Variants in HS3ST2 observed in about 807,000 individuals in gnomAD.
HS3ST2 encodes the protein heparan sulfate glucosamine 3-O-sulfotransferase 2.
In HS3ST2, 17 loss-of-function variants were observed where a neutral mutation model predicts 26.3. That is an observed-to-expected ratio of 0.65 (90% CI 0.44 to 0.97). The LOEUF is 0.97. Ranked by LOEUF, HS3ST2 falls within the 50% of genes least tolerant of loss-of-function variation. The probability of loss-of-function intolerance (pLI) is 0.00; values close to 1 mark genes in which losing one functional copy is unlikely to be tolerated. For missense variants in HS3ST2, 402 were observed against 501.2 expected (o/e 0.80, Z 1.89); for synonymous variants, 237 against 219.2 (o/e 1.08, Z -0.72).
chr16:22,825,972 G>A (rs578214873), intron 1 of HS3ST2, among the ~76,000 whole-genome samples: 3 of 152,064 alleles, frequency 2.0e-5, no homozygotes, highest in Non-Finnish European at 4.4e-5. Flanking sequence ...GCAGTGAGCC[G>A]AAATCATGCT....
At chr16:22,898,666 C>T (rs1292915807) in intron 1 of HS3ST2, among the ~76,000 whole-genome samples, 1 of 152,166 alleles carries the variant, frequency 6.6e-6, no homozygotes, top group Non-Finnish European at 1.5e-5. Context: ...CATTCTATAC[C>T]AAAGCCTAGA....
chr16:22,834,535 A>G (rs773530627), intron 1 of HS3ST2, among the ~76,000 whole-genome samples: 1 of 152,042 alleles, frequency 6.6e-6, no homozygotes, highest in African/African-American at 2.4e-5. Flanking sequence ...CATTAACCAA[A>G]TCGCCTACTG....
At chr16:22,845,788 G>A (rs1901423169) in intron 1 of HS3ST2, among the ~76,000 whole-genome samples, 1 of 152,236 alleles carries the variant, frequency 6.6e-6, no homozygotes, top group African/African-American at 2.4e-5. Flanking sequence ...TTAGTAGGAT[G>A]CTGAAGATAA....
At chr16:22,823,894 G>A (rs1901041196) in intron 1 of HS3ST2, among the ~76,000 whole-genome samples, 1 of 152,234 alleles carries the variant, frequency 6.6e-6, no homozygotes, top group Non-Finnish European at 1.5e-5. Context: ...ATATTTACAA[G>A]GGAGTGTAGC....
At position 22,915,147 on chromosome 16, in the gene HS3ST2, G is replaced by A. The variant is rs1462025959; in HGVS notation, c.689G>A (p.Gly230Asp). 6.2e-6 allele frequency: 10 copies of A among 1,614,076 alleles called. No homozygotes were observed. The highest frequency in any genetic ancestry group is 7.6e-6 in the Non-Finnish European group (9 of 1,179,982). Reference sequence around the variant, plus strand: ...AAGCCCGACATCCCGACCTTTGAGGGCCTCTCCTTCCGCAACCGCACCCTG... The same window carrying A: ...AAGCCCGACATCCCGACCTTTGAGGACCTCTCCTTCCGCAACCGCACCCTG... ...SKKPDIPTFE[G>D]LSFRNRTLGL... The change falls in exon 2 of 2, where the codon GGC becomes GAC. Residue 230 changes from glycine (G) to aspartate (D), a missense_variant. This residue lies in a region of HS3ST2 where 237 missense variants were observed against 346.6 expected (regional missense o/e 0.68). Transcript: ENST00000261374.
rs201482879 is a variant in HS3ST2, at chr16:22,914,956, C to T, written c.498C>T (p.Pro166=). Residue 166 remains proline, a synonymous_variant, in exon 2 of 2, where the codon CCC becomes CCT. Transcript: ENST00000261374. ...TCTGCCCACACAGGAGCCTGATGCCCAGGACCCTCGAGAGCCAGATCACGC... is the reference window on the plus strand; with the variant it reads ...TCTGCCCACACAGGAGCCTGATGCCTAGGACCCTCGAGAGCCAGATCACGC... ...RGLDWYRSLM[P]RTLESQITLE... The T allele has an allele frequency of 2.5e-6, 4 of 1,611,748 alleles. No homozygotes were observed. The highest frequency in any genetic ancestry group is 3.3e-5 in the Admixed American group (2 of 59,970).
At chr16:22,913,332 C>T (rs1464997336) in intron 1 of HS3ST2, among the ~76,000 whole-genome samples, 1 of 152,046 alleles carries the variant, frequency 6.6e-6, no homozygotes, top group Non-Finnish European at 1.5e-5. Context: ...ATGAGATGCT[C>T]CTGGGAAAGA....
chr16:22,850,751 C>A (rs1014577239), intron 1 of HS3ST2, among the ~76,000 whole-genome samples: 4 of 152,206 alleles, frequency 2.6e-5, no homozygotes, highest in African/African-American at 9.6e-5. Flanking sequence ...TGTGCCACTG[C>A]ACTCCAGCCT....
chr16:22,863,817 C>T (rs910120598), intron 1 of HS3ST2, among the ~76,000 whole-genome samples: 25 of 152,190 alleles, frequency 1.6e-4, no homozygotes, highest in African/African-American at 5.6e-4. Flanking sequence ...GTGCAAGAAG[C>T]TCAATGGCAA....
chr16:22,819,166 TCCTTC>T (rs1900951665), intron 1 of HS3ST2, among the ~76,000 whole-genome samples: 1 of 135,906 alleles, frequency 7.4e-6, no homozygotes, highest in Non-Finnish European at 1.6e-5. Context: ...CCTCCTTCCT[TCCTTC>T]CCTCCTTCCT....
At chr16:22,913,270 A>T (rs1902449793) in intron 1 of HS3ST2, among the ~76,000 whole-genome samples, 1 of 152,088 alleles carries the variant, frequency 6.6e-6, no homozygotes, top group Non-Finnish European at 1.5e-5. Flanking sequence ...TATGACCTTC[A>T]TCAAGAAGTA....
intron 1 of HS3ST2, among the ~76,000 whole-genome samples, chr16:22,839,205 G>A (rs957243023): frequency 6.6e-5 from 10 of 152,158 alleles, no homozygotes; most frequent in South Asian, 2.1e-4. Context: ...AATATTTGTC[G>A]AATGAATGAA....
chr16:22,893,396 G>A (rs1218163066), intron 1 of HS3ST2, among the ~76,000 whole-genome samples: 2 of 152,138 alleles, frequency 1.3e-5, no homozygotes, highest in African/African-American at 4.8e-5. Context: ...AGTGCCTATG[G>A]GGTTGAGATG....
intron 1 of HS3ST2, among the ~76,000 whole-genome samples, chr16:22,875,337 T>C (rs544556575): frequency 6.6e-6 from 1 of 152,022 alleles, no homozygotes; most frequent in Non-Finnish European, 1.5e-5. Context: ...ACTCACACAC[T>C]TGTTATTGAA....
chr16:22,825,708 C>T (rs535342403), intron 1 of HS3ST2, among the ~76,000 whole-genome samples: 2 of 152,256 alleles, frequency 1.3e-5, no homozygotes, highest in African/African-American at 4.8e-5. Context: ...ATGATTTTAC[C>T]TCTGTTTACA....
At chr16:22,901,151 G>C (rs968995618) in intron 1 of HS3ST2, among the ~76,000 whole-genome samples, 1 of 152,178 alleles carries the variant, frequency 6.6e-6, no homozygotes, top group African/African-American at 2.4e-5. Context: ...ACACATTGCA[G>C]GTGAAGAAAC....
chr16:22,852,960 T>C (rs1292114396), intron 1 of HS3ST2, among the ~76,000 whole-genome samples: 1 of 152,154 alleles, frequency 6.6e-6, no homozygotes, highest in Non-Finnish European at 1.5e-5. Context: ...AAAGAAATTA[T>C]AGAAACATTT....
At chr16:22,878,072 C>T (rs911117921) in intron 1 of HS3ST2, among the ~76,000 whole-genome samples, 4 of 152,134 alleles carry the variant, frequency 2.6e-5, no homozygotes, top group Non-Finnish European at 5.9e-5. Context: ...TTATCAGAGT[C>T]CAGGCTGTGC....
intron 1 of HS3ST2, among the ~76,000 whole-genome samples, chr16:22,887,706 G>A (rs1432603785): frequency 1.3e-5 from 2 of 151,806 alleles, no homozygotes; most frequent in Admixed American, 1.3e-4. Context: ...CTTGGCCCAT[G>A]AAGGCCGAGG....
Sources: allele counts gnomAD v4.1 joint callset (sites outside exome capture counted in the v4.1 genomes callset), GRCh38; gene constraint gnomAD v4.1.1; regional missense constraint gnomAD v4.1.1; transcripts MANE v1.5; gene names NCBI Gene and HGNC (gene_info 2026-07-23, HGNC 2026-07-21).